The following TAF4B variants were observed in gnomAD, a reference collection of about 807,000 sequenced individuals.
TAF4B encodes the protein transcription initiation factor TFIID subunit 4B.
In TAF4B, 38 loss-of-function variants were observed where a neutral mutation model predicts 86.4. The observed-to-expected ratio is 0.44, with a 90% CI of 0.34 to 0.58. The LOEUF (loss-of-function observed/expected upper bound fraction) is 0.58. Among genes scored for constraint, TAF4B ranks in the 20% least tolerant of loss-of-function variants. The pLI is 0.02. For missense variants in TAF4B, 988 were observed against 1,027.6 expected, an observed-to-expected ratio of 0.96 and a Z score of 0.53; for synonymous variants, 388 against 391.2, an observed-to-expected ratio of 0.99 and a Z score of 0.10.
At chr18:26,377,980 A>C (rs2057453937) in intron 14 of TAF4B, among the ~76,000 whole-genome samples, 1 of 152,214 alleles carries the variant, frequency 6.6e-6, no homozygotes. Context: ...TTTGGAAATA[A>C]AATGGCAAGC....
chr18:26,337,513 C>A (rs553302751), intron 13 of TAF4B, among the ~76,000 whole-genome samples: 1 of 149,890 alleles, frequency 6.7e-6, no homozygotes, highest in East Asian at 2.0e-4. Context: ...GCCTCCACCT[C>A]CCAGGTTCAA....
At chr18:26,341,197 G>T (rs942473056) in intron 13 of TAF4B, among the ~76,000 whole-genome samples, 1 of 152,004 alleles carries the variant, frequency 6.6e-6, no homozygotes, top group African/African-American at 2.4e-5. Flanking sequence ...ACTTACCTCT[G>T]TTTCCTCATA....
At chr18:26,239,941 G>A (rs1368608372) in intron 1 of TAF4B, among the ~76,000 whole-genome samples, 3 of 152,076 alleles carry the variant, frequency 2.0e-5, no homozygotes, top group Non-Finnish European at 4.4e-5. Context: ...TGTTCCATTG[G>A]TCTATATCTC....
intron 1 of TAF4B, among the ~76,000 whole-genome samples, chr18:26,233,616 G>T (rs570975217): frequency 9.3e-4 from 142 of 152,296 alleles, no homozygotes; most frequent in African/African-American, 3.2e-3. Flanking sequence ...ATGCATAAAG[G>T]GGCTTGGGAA....
At chr18:26,255,794 T>G in intron 1 of TAF4B, 1 of 1,502,892 alleles carries the variant, frequency 6.7e-7, no homozygotes, top group East Asian at 2.3e-5. Flanking sequence ...TGAAGAGATG[T>G]GTGTCAATGA....
rs892957343 is a variant in TAF4B at position 26,391,383 on chromosome 18, C to T, written c.*1371C>T. 3.3e-5 allele frequency: 5 copies of T among 149,998 alleles called. No individual in the cohort carries two copies. The highest frequency in any genetic ancestry group is 6.6e-5 in the Admixed American group (1 of 15,052). The allele number at this position is 149,998 out of a possible 1,614,324, so 9.3% of individuals were successfully genotyped here. A position where few individuals can be genotyped will look rare whatever the true frequency, so the allele number is the denominator to read the frequency against. The stretch of plus-strand genomic sequence containing the variant: ...GAAGGAAAAAAAAAAAAACACCTCA[C>T]GTATGTTATTCTTCATCCTGTTCTT... On this transcript the variant is annotated 3_prime_UTR_variant, in exon 15 of 15. Coordinates refer to ENST00000269142, the MANE Select transcript of TAF4B (RefSeq NM_005640.3).
intron 1 of TAF4B, among the ~76,000 whole-genome samples, chr18:26,244,881 A>C (rs1281766010): frequency 1.3e-5 from 2 of 152,200 alleles, no homozygotes; most frequent in Non-Finnish European, 2.9e-5. Context: ...TAGATGGGTG[A>C]GTCTCGCTTG....
chr18:26,251,281 C>G (rs2056002900), intron 1 of TAF4B, among the ~76,000 whole-genome samples: 1 of 152,076 alleles, frequency 6.6e-6, no homozygotes, highest in South Asian at 2.1e-4. Flanking sequence ...TGAAAAGAGG[C>G]TAAAAGGTGA....
intron 14 of TAF4B, among the ~76,000 whole-genome samples, chr18:26,383,027 A>G (rs1035132703): frequency 2.6e-5 from 4 of 152,164 alleles, no homozygotes; most frequent in African/African-American, 9.6e-5. Flanking sequence ...AGAGAATGCT[A>G]TGTGCAATTA....
intron 6 of TAF4B, among the ~76,000 whole-genome samples, chr18:26,285,210 C>CTTTCCTTTTTTTTTTTTTTTTTTT (rs2056496143): frequency 2.4e-5 from 1 of 42,548 alleles, no homozygotes; most frequent in African/African-American, 8.0e-5. Flanking sequence ...TCTTCCTTTC[C>CTTTCCTTTTTTTTTTTTTTTTTTT]TTTTTTTTTT....
intron 1 of TAF4B, among the ~76,000 whole-genome samples, chr18:26,229,595 C>T (rs1472440160): frequency 6.6e-6 from 1 of 151,232 alleles, no homozygotes; most frequent in Admixed American, 6.6e-5. Context: ...CTCCGCCTCC[C>T]GGGTTCAAGC....
At chr18:26,289,111 A>G (rs1393444904) in intron 7 of TAF4B, among the ~76,000 whole-genome samples, 1 of 152,210 alleles carries the variant, frequency 6.6e-6, no homozygotes, top group Non-Finnish European at 1.5e-5. Context: ...CTATATGGTA[A>G]TGCCATAGAG....
chr18:26,287,659 T>C (rs2056541565), intron 7 of TAF4B, among the ~76,000 whole-genome samples: 1 of 152,236 alleles, frequency 6.6e-6, no homozygotes, highest in African/African-American at 2.4e-5. Flanking sequence ...TTTTGGTGAA[T>C]GTCCTTGTTC....
At chr18:26,329,231 AT>A (rs1033129179) in intron 12 of TAF4B, among the ~76,000 whole-genome samples, 7 of 151,574 alleles carry the variant, frequency 4.6e-5, no homozygotes, top group Non-Finnish European at 1.0e-4. Flanking sequence ...CTAAATTTTG[AT>A]TTTTTGTAGA....
At chr18:26,269,028 T>C (rs139022471) in intron 3 of TAF4B, among the ~76,000 whole-genome samples, 16 of 152,232 alleles carry the variant, frequency 1.1e-4, no homozygotes, top group African/African-American at 2.9e-4. Flanking sequence ...TTCACCATGT[T>C]GGCCAGGCTG....
intron 1 of TAF4B, among the ~76,000 whole-genome samples, chr18:26,245,358 G>C (rs58089992): frequency 0.11 from 16,867 of 152,076 alleles, 964 homozygotes; most frequent in Middle Eastern, 0.14. Flanking sequence ...CTTACAGATG[G>C]CACGGACCCA....
In TAF4B at chr18:26,390,108, A is replaced by G. The variant is rs935702006; in HGVS notation, c.*96A>G. 2.7e-5 allele frequency: 34 copies of G among 1,270,782 alleles called. No individual in the cohort carries two copies. The South Asian group carries it at 3.3e-4, about 12-fold the overall frequency. 78.7% of individuals were successfully genotyped at this position (1,270,782 alleles called of 1,614,324 possible). Reference sequence around the variant, plus strand: ...CTGAAATTTCAATTTCTGGAAAATAATCACCAACATGAAAGAGCATTGTTT... The same window carrying G: ...CTGAAATTTCAATTTCTGGAAAATAGTCACCAACATGAAAGAGCATTGTTT... On this transcript the variant is annotated 3_prime_UTR_variant, in exon 15 of 15. Coordinates refer to ENST00000269142, the MANE Select transcript of TAF4B (RefSeq NM_005640.3).
intron 1 of TAF4B, among the ~76,000 whole-genome samples, chr18:26,247,719 T>C (rs935623748): frequency 2.0e-5 from 3 of 152,124 alleles, no homozygotes; most frequent in African/African-American, 4.8e-5. Flanking sequence ...CTGTCCCTAC[T>C]GAAAGCACAA....
At chr18:26,235,463 A>G (rs989602614) in intron 1 of TAF4B, among the ~76,000 whole-genome samples, 1 of 152,168 alleles carries the variant, frequency 6.6e-6, no homozygotes, top group African/African-American at 2.4e-5. Flanking sequence ...GACGCCTTGT[A>G]CCCTTGATTA....
Sources: gnomAD v4.1 joint callset for allele counts (sites outside exome capture counted in the v4.1 genomes callset) on GRCh38, gnomAD v4.1.1 for gene constraint, MANE v1.5 for transcripts, NCBI Gene and HGNC (gene_info 2026-07-23, HGNC 2026-07-21) for gene names.